The following C9orf153 variants were observed in gnomAD, a reference collection of about 807,000 sequenced individuals.
C9orf153 encodes the protein chromosome 9 open reading frame 153.
In C9orf153, 10 loss-of-function variants were observed where a neutral mutation model predicts 9.0. The ratio of observed to expected loss-of-function variants is 1.11; its 90% CI spans 0.69 to 1.89. The LOEUF (loss-of-function observed/expected upper bound fraction) is 1.89, where lower values mean the gene tolerates loss of function less well. Ranked by LOEUF, C9orf153 falls within the 40% of genes most tolerant of loss-of-function variation. C9orf153 has a pLI of 0.00. For synonymous variants in C9orf153, 35 were observed against 37.3 expected, an observed-to-expected ratio of 0.94 and a Z score of 0.23; for missense variants, 108 against 111.0, an observed-to-expected ratio of 0.97 and a Z score of 0.12.
intron 2 of C9orf153, among the ~76,000 whole-genome samples, chr9:86,228,236 C>T (rs1824386017): frequency 1.3e-5 from 2 of 152,164 alleles, no homozygotes; most frequent in South Asian, 4.1e-4. Context: ...ATCTCCGATT[C>T]ACTCCCTTAA....
At position 86,220,571 on chromosome 9, in the gene C9orf153, A is replaced by G. The variant is rs1824175209; in HGVS notation, c.*1117T>C. ...GACCTCTATTGTTAATGAGCATTCT[A>G]TTGTCAATTTGTCATTTCTTTGTAT... is the stretch of plus-strand genomic sequence containing the variant. On this transcript the variant is annotated 3_prime_UTR_variant, in exon 4 of 4. Coordinates refer to ENST00000339137, the MANE Select transcript of C9orf153 (RefSeq NM_001276366.4). 1 of 152,048 alleles carries G rather than the reference A, an allele frequency of 6.6e-6. No individual in the cohort carries two copies. Among genetic ancestry groups the G allele is most frequent in the Admixed American group, 6.6e-5 (1 of 15,260 alleles). 9.4% of individuals were successfully genotyped at this position (152,048 alleles called of 1,614,324 possible). A position where few individuals can be genotyped will look rare whatever the true frequency, so the allele number is the denominator to read the frequency against.
chr9:86,226,233 C>T (rs1260874151), intron 3 of C9orf153, among the ~76,000 whole-genome samples: 12 of 152,170 alleles, frequency 7.9e-5, no homozygotes, highest in Admixed American at 3.9e-4. Context: ...TAGGGAGTTA[C>T]AGCAAAAGCT....
At chr9:86,251,647 T>G (rs1824995909) in intron 1 of C9orf153, among the ~76,000 whole-genome samples, 1 of 151,258 alleles carries the variant, frequency 6.6e-6, no homozygotes, top group Non-Finnish European at 1.5e-5. Flanking sequence ...ATTAAAGGAA[T>G]AAAAAATAGA....
Position 86,228,048 on chromosome 9 carries a change from A to C in C9orf153, c.67-18T>G, listed in dbSNP as rs1213443665. ...TCTGGAAGCTGTGGACAAAAAAAAA[A>C]GTGGTAAGTCACGAGACTGACAAAA... is the stretch of plus-strand genomic sequence containing the variant. On this transcript the variant is annotated intron_variant, in intron 2 of 3. Transcript: ENST00000339137. The C allele has an allele frequency of 1.3e-6, 2 of 1,556,592 alleles. No individual in the cohort carries two copies. Among genetic ancestry groups the C allele is most frequent in the African/African-American group, 2.7e-5 (2 of 72,960 alleles).
chr9:86,238,450 T>C (rs1824653244), intron 1 of C9orf153, among the ~76,000 whole-genome samples: 1 of 152,184 alleles, frequency 6.6e-6, no homozygotes, highest in African/African-American at 2.4e-5. Context: ...CATACTACAG[T>C]GGAGTTAAGT....
intron 3 of C9orf153, chr9:86,227,345 T>TTA: frequency 6.5e-7 from 1 of 1,533,100 alleles, no homozygotes; most frequent in Non-Finnish European, 8.8e-7. Context: ...ATTTATTTAT[T>TTA]TTTGGAGATG....
intron 1 of C9orf153, among the ~76,000 whole-genome samples, chr9:86,232,033 C>T (rs1284856286): frequency 6.6e-6 from 1 of 152,130 alleles, no homozygotes; most frequent in African/African-American, 2.4e-5. Flanking sequence ...CTCTCTCTCT[C>T]CCTGCCACCT....
chr9:86,249,787 TC>T (rs1824955450), intron 1 of C9orf153, among the ~76,000 whole-genome samples: 1 of 152,244 alleles, frequency 6.6e-6, no homozygotes, highest in Non-Finnish European at 1.5e-5. Context: ...CTTCAAGTGA[TC>T]TGCCTGCCTC....
chr9:86,228,009 T>C lies in C9orf153; in HGVS notation c.88A>G (p.Ile30Val). 1 of 1,607,570 alleles carries C rather than the reference T, an allele frequency of 6.2e-7. No individual in the cohort carries two copies. Among genetic ancestry groups the C allele is most frequent in the Non-Finnish European group, 8.5e-7 (1 of 1,177,154 alleles). Residue 30 changes from isoleucine to valine, a missense_variant, in exon 3 of 4, where the codon ATT becomes GTT. Ile to Val is a conservative substitution (Grantham distance 29). Transcript: ENST00000339137. ...QCSLPELYACIENFNKESKKS... is the reference protein window; with the variant it reads ...QCSLPELYACVENFNKESKKS... ...TTGCTCTCCTTATTAAAATTCTCAA[T>C]ACATGCATATAATTCTGGAAGCTGT...
chr9:86,228,626 C>T (rs555027793), intron 2 of C9orf153, among the ~76,000 whole-genome samples: 334 of 152,280 alleles, frequency 2.2e-3, no homozygotes, highest in African/African-American at 7.7e-3. Context: ...CCTGAGAGGA[C>T]CTGTCCCCAT....
At chr9:86,221,978 C>T (rs932869772) in intron 3 of C9orf153, among the ~76,000 whole-genome samples, 23 of 152,066 alleles carry the variant, frequency 1.5e-4, no homozygotes, top group Non-Finnish European at 3.1e-4. Context: ...CTCCGCCTCC[C>T]GGGTTCAAAT....
rs369778098 is a variant in C9orf153 at position 86,241,090 on chromosome 9, C to A, written c.-26-11461G>T. On this transcript the variant is annotated intron_variant, in intron 1 of 3. Coordinates refer to ENST00000339137, the MANE Select transcript of C9orf153 (RefSeq NM_001276366.4). ...TTCATCAGGTAACCTATATATTGAGCTTATTTTTTCTATGCTTATGGAGAC... is the reference window on the plus strand; with the variant it reads ...TTCATCAGGTAACCTATATATTGAGATTATTTTTTCTATGCTTATGGAGAC... Among the ~76,000 whole-genome samples the A allele has an allele frequency of 9.2e-5, 14 of 152,212 alleles. No individual in the cohort carries two copies. The South Asian group carries it at 2.3e-3, about 25-fold the overall frequency.
In C9orf153 at chr9:86,228,044, A is replaced by C; in HGVS notation, c.67-14T>G. The C allele has an allele frequency of 6.4e-7, 1 of 1,567,948 alleles. No individual in the cohort carries two copies. The highest frequency in any genetic ancestry group is 8.6e-7 in the Non-Finnish European group (1 of 1,157,876). On this transcript the variant is annotated splice_polypyrimidine_tract_variant and intron_variant, in intron 2 of 3. Coordinates refer to ENST00000339137, the MANE Select transcript of C9orf153 (RefSeq NM_001276366.4). ...TAATTCTGGAAGCTGTGGACAAAAA[A>C]AAAAGTGGTAAGTCACGAGACTGAC...
chr9:86,243,913 C>T (rs1375599241), intron 1 of C9orf153, among the ~76,000 whole-genome samples: 1 of 152,190 alleles, frequency 6.6e-6, no homozygotes, highest in Non-Finnish European at 1.5e-5. Flanking sequence ...CCTAGATCTG[C>T]ATGAAGTTGG....
intron 2 of C9orf153, 21 bp from the exon 3 acceptor site, chr9:86,228,051 G>T (rs1277730884): frequency 1.3e-6 from 2 of 1,545,170 alleles, no homozygotes; most frequent in Non-Finnish European, 1.8e-6. Context: ...AAAAAAAAGT[G>T]GTAAGTCACG....
At position 86,227,254 on chromosome 9, in the gene C9orf153, C is replaced by T. The variant is rs1417608209; in HGVS notation, c.242+601G>A. On this transcript the variant is annotated intron_variant, in intron 3 of 3. Coordinates refer to ENST00000339137, the MANE Select transcript of C9orf153 (RefSeq NM_001276366.4). Reference sequence around the variant, plus strand: ...CTCAAACACATGTGCTCAAGTGATCCTCCCACCTAAACCTCTCGGGTAGCC... The same window carrying T: ...CTCAAACACATGTGCTCAAGTGATCTTCCCACCTAAACCTCTCGGGTAGCC... 9.8e-6 allele frequency: 13 copies of T among 1,322,942 alleles called. No individual in the cohort carries two copies. The Middle Eastern group carries it at 8.6e-4, about 88-fold the overall frequency. The allele number at this position is 1,322,942 out of a possible 1,614,324, so 82.0% of individuals were successfully genotyped here. A position where few individuals can be genotyped will look rare whatever the true frequency, so the allele number is the denominator to read the frequency against.
chr9:86,239,102 A>G (rs951146888), intron 1 of C9orf153, among the ~76,000 whole-genome samples: 1 of 152,098 alleles, frequency 6.6e-6, no homozygotes, highest in Non-Finnish European at 1.5e-5. Flanking sequence ...TCTACTAAAA[A>G]TACAAAAAAT....
At chr9:86,238,983 T>C (rs1044229987) in intron 1 of C9orf153, among the ~76,000 whole-genome samples, 54 of 150,558 alleles carry the variant, frequency 3.6e-4, no homozygotes, top group African/African-American at 1.3e-3. Flanking sequence ...CAAACATATA[T>C]GGGCCAGGTG....
At chr9:86,251,594 G>A (rs2131205607) in intron 1 of C9orf153, among the ~76,000 whole-genome samples, 1 of 151,992 alleles carries the variant, frequency 6.6e-6, no homozygotes, top group Non-Finnish European at 1.5e-5. Context: ...TTGTTATAGG[G>A]AATATAATTT....
Sources: gnomAD v4.1 joint callset for allele counts (sites outside exome capture counted in the v4.1 genomes callset) on GRCh38, gnomAD v4.1.1 for gene constraint, MANE v1.5 for transcripts, NCBI Gene and HGNC (gene_info 2026-07-23, HGNC 2026-07-21) for gene names.